Variants in ATP2C1 observed in about 807,000 individuals in gnomAD.
ATP2C1 encodes the protein calcium-transporting ATPase type 2C member 1.
A neutral mutation model predicts 120.5 loss-of-function variants in ATP2C1; 31 were observed. The observed-to-expected ratio is 0.26, with a 90% CI of 0.19 to 0.35. The LOEUF (loss-of-function observed/expected upper bound fraction) is 0.35. Among genes scored for constraint, ATP2C1 ranks in the 10% least tolerant of loss-of-function variants. ATP2C1 has a pLI of 1.00. For missense variants in ATP2C1, 731 were observed against 1,107.5 expected, an observed-to-expected ratio of 0.66 and a Z score of 4.83; for synonymous variants, 351 against 358.7, an observed-to-expected ratio of 0.98 and a Z score of 0.24.
chr3:130,982,398 T>G (rs546243552), intron 20 of ATP2C1, among the ~76,000 whole-genome samples: 2 of 152,186 alleles, frequency 1.3e-5, no homozygotes, highest in African/African-American at 2.4e-5. Flanking sequence ...TTCCCTGATA[T>G]GAGATTAACT....
chr3:130,865,505 A>G (rs559054734), intron 1 of ATP2C1, among the ~76,000 whole-genome samples: 74 of 152,278 alleles, frequency 4.9e-4, no homozygotes, highest in Middle Eastern at 3.4e-3. Flanking sequence ...GAGCAGAATA[A>G]TATGGTTTGA....
At chr3:130,875,909 C>A (rs1438044912) in intron 1 of ATP2C1, among the ~76,000 whole-genome samples, 3 of 150,208 alleles carry the variant, frequency 2.0e-5, no homozygotes, top group African/African-American at 7.3e-5. Context: ...TACTTGTTGG[C>A]CATTTGCTTT....
intron 2 of ATP2C1, chr3:130,928,344 A>G (rs1469285459): frequency 1.3e-5 from 2 of 152,174 alleles, no homozygotes; most frequent in East Asian, 1.9e-4. Context: ...TGTTTATTAT[A>G]TGAAATAATA....
chr3:130,893,622 G>A (rs2760252), upstream of ATP2C1, among the ~76,000 whole-genome samples: 24,273 of 152,240 alleles, frequency 0.16, 2,080 homozygotes, highest in Middle Eastern at 0.24. Context: ...CCACCCCGAC[G>A]GGAGCAGCTT....
At position 131,002,072 on chromosome 3, in the gene ATP2C1, G is replaced by T. The variant is rs1047030468; in HGVS notation, c.*722G>T. 1.2e-5 allele frequency: 12 copies of T among 985,516 alleles called. No homozygotes were observed. Among genetic ancestry groups the T allele is most frequent in the Admixed American group, 6.1e-5 (1 of 16,266 alleles). The allele number at this position is 985,516 out of a possible 1,614,324, so 61.0% of individuals were successfully genotyped here. On this transcript the variant is annotated 3_prime_UTR_variant, in exon 28 of 28. Transcript: ENST00000510168. ...GGCAGAATTCATGCAGGGCTATCAA[G>T]TGGTGTTCTAGGGTAACAGTGTCCA...
chr3:130,922,550 G>C (rs1027400705), intron 2 of ATP2C1, among the ~76,000 whole-genome samples: 1 of 152,110 alleles, frequency 6.6e-6, no homozygotes, highest in African/African-American at 2.4e-5. Context: ...TGTGACCTTA[G>C]ATTGTCTGTG....
intron 2 of ATP2C1, among the ~76,000 whole-genome samples, chr3:130,902,089 C>T (rs919634891): frequency 6.6e-6 from 1 of 151,986 alleles, no homozygotes; most frequent in Non-Finnish European, 1.5e-5. Context: ...AAGTTGACTC[C>T]TCTAAGCCTT....
intron 2 of ATP2C1, among the ~76,000 whole-genome samples, chr3:130,915,728 G>A (rs919974643): frequency 2.0e-4 from 30 of 152,214 alleles, no homozygotes; most frequent in African/African-American, 7.0e-4. Context: ...TAAAAGCTTA[G>A]TGTAGGGTAT....
intron 8 of ATP2C1, among the ~76,000 whole-genome samples, chr3:130,948,269 TGTTTA>T (rs149099898): frequency 0.031 from 4,651 of 152,248 alleles, 225 homozygotes; most frequent in African/African-American, 0.1. Context: ...TTTTTGCTTT[TGTTTA>T]TTTAGGATTT....
chr3:130,904,525 T>C (rs1232056240), intron 2 of ATP2C1, among the ~76,000 whole-genome samples: 1 of 152,102 alleles, frequency 6.6e-6, no homozygotes, highest in African/African-American at 2.4e-5. Context: ...ATTTCTTCAT[T>C]GTAAAGTTAC....
In ATP2C1 at chr3:130,941,582, G is replaced by A. The variant is rs755729121; in HGVS notation, c.423-9G>A. The A allele has an allele frequency of 1.3e-5, 21 of 1,605,176 alleles. No individual in the cohort carries two copies. Among genetic ancestry groups the A allele is most frequent in the East Asian group, 4.5e-5 (2 of 44,768 alleles). On this transcript the variant is annotated splice_polypyrimidine_tract_variant and intron_variant, in intron 7 of 27. Transcript: ENST00000510168. ...TTTTAACCATGGTTGTTTCTATTTC[G>A]TGTTACAGTGTGCGTGAAGGAAAAT...
intron 1 of ATP2C1, among the ~76,000 whole-genome samples, chr3:130,861,599 A>G (rs1290803547): frequency 2.0e-5 from 3 of 152,148 alleles, no homozygotes; most frequent in African/African-American, 7.2e-5. Context: ...GCAAATGCTA[A>G]TCTCTTCCCC....
Position 131,001,246 on chromosome 3 carries a change from T to C in ATP2C1, c.2656T>C (p.Ser886Pro). ...LDLLFLLGLTSSVCIVAEIIK... is the reference protein window; with the variant it reads ...LDLLFLLGLTPSVCIVAEIIK... Reference sequence around the variant, plus strand: ...TCTGTTGTTTCTTTTGGGTCTCACCTCATCAGTGTGCATAGTGGCAGAAAT... The same window carrying C: ...TCTGTTGTTTCTTTTGGGTCTCACCCCATCAGTGTGCATAGTGGCAGAAAT... The change falls in exon 28 of 28, where the codon TCA becomes CCA. Residue 886 changes from serine (S) to proline (P), a missense_variant. By Grantham distance (74) the Ser-to-Pro change is moderately conservative. Around this residue, in one of 3 missense-constraint regions of ATP2C1, gnomAD observed 141 missense variants for 201.6 expected, o/e 0.70. Coordinates refer to ENST00000510168, the MANE Select transcript of ATP2C1 (RefSeq NM_001378687.1). The C allele has an allele frequency of 6.2e-7, 1 of 1,613,580 alleles. No homozygotes were observed. Among genetic ancestry groups the C allele is most frequent in the Non-Finnish European group, 8.5e-7 (1 of 1,179,692 alleles).
chr3:130,996,044 T>G lies in ATP2C1; in HGVS notation c.2059T>G (p.Ser687Ala). The change falls in exon 23 of 28, where the codon TCT becomes GCT. Residue 687 changes from serine to alanine, a missense_variant and splice_region_variant. By Grantham distance (99) the Ser-to-Ala change is moderately conservative. Coordinates refer to ENST00000510168, the MANE Select transcript of ATP2C1 (RefSeq NM_001378687.1). ...LVDDDFQTIM[S>A]AIEEGKGIYN... ...TCATCTTTATTTTTTAAATTTCAGG[T>G]CTGCAATCGAAGAGGGTAAAGGGAT... 6.4e-7 allele frequency: 1 copy of G among 1,570,516 alleles called. No homozygotes were observed. Among genetic ancestry groups the G allele is most frequent in the Non-Finnish European group, 8.8e-7 (1 of 1,140,946 alleles).
chr3:130,950,326 G>A (rs777600133), intron 8 of ATP2C1, among the ~76,000 whole-genome samples: 4 of 152,058 alleles, frequency 2.6e-5, no homozygotes, highest in Non-Finnish European at 5.9e-5. Flanking sequence ...TCATTAACAG[G>A]TCTTCTGAGG....
At chr3:130,856,359 C>A (rs1225795149) in intron 1 of ATP2C1, 1 of 152,152 alleles carries the variant, frequency 6.6e-6, no homozygotes, top group Non-Finnish European at 1.5e-5. Flanking sequence ...AAATTAAGAA[C>A]TCCCCATTCC....
At chr3:130,873,840 C>T (rs957344967) in intron 1 of ATP2C1, among the ~76,000 whole-genome samples, 3 of 151,992 alleles carry the variant, frequency 2.0e-5, no homozygotes, top group East Asian at 1.9e-4. Flanking sequence ...AGCCAGGCAC[C>T]GTGGCTCACC....
chr3:130,905,220 T>C (rs1380177049), intron 2 of ATP2C1, among the ~76,000 whole-genome samples: 1 of 152,078 alleles, frequency 6.6e-6, no homozygotes, highest in Non-Finnish European at 1.5e-5. Flanking sequence ...TAGATAGAGC[T>C]AGCAGTGTAT....
chr3:131,009,053 C>G (rs190861305), intron 26 of ATP2C1, among the ~76,000 whole-genome samples: 88 of 152,348 alleles, frequency 5.8e-4, no homozygotes, highest in African/African-American at 2.0e-3. Context: ...CTGCTCCTAT[C>G]TGGTTGATGG....
Sources: allele counts gnomAD v4.1 joint callset (sites outside exome capture counted in the v4.1 genomes callset), GRCh38; gene constraint gnomAD v4.1.1; regional missense constraint gnomAD v4.1.1; transcripts MANE v1.5; gene names NCBI Gene and HGNC (gene_info 2026-07-23, HGNC 2026-07-21).